Variants in GAB3 observed in about 807,000 individuals in gnomAD.
The protein encoded by GAB3 is GRB2-associated-binding protein 3.
In GAB3, 12 loss-of-function variants were observed where a neutral mutation model predicts 40.4. The observed-to-expected ratio is 0.30, with a 90% CI of 0.19 to 0.48. The LOEUF is 0.48. Ranked by LOEUF, GAB3 falls within the 20% of genes least tolerant of loss-of-function variation. The pLI, the probability that GAB3 is intolerant of heterozygous loss-of-function variation, is 0.99. For missense variants in GAB3, 381 were observed against 461.9 expected (o/e 0.82, Z 1.61); for synonymous variants, 154 against 176.7 (o/e 0.87, Z 1.02).
intron 1 of GAB3, among the ~76,000 whole-genome samples, chrX:154,726,523 G>A (rs1369130749): frequency 9.0e-6 from 1 of 111,672 alleles, no homozygotes; most frequent in Non-Finnish European, 1.9e-5. Context: ...AAATAAAAGA[G>A]GCTTCATCCA....
intron 8 of GAB3, among the ~76,000 whole-genome samples, chrX:154,690,600 G>C (rs1198976757): frequency 4.5e-5 from 5 of 112,013 alleles, no homozygotes; most frequent in African/African-American, 1.3e-4. Flanking sequence ...ATCAAAAAAT[G>C]GGCAAAGGAC....
At position 154,696,040 on chromosome X, in the gene GAB3, G is replaced by A. The variant is rs370569226; in HGVS notation, c.1428-21C>T. 10 of 1,018,987 alleles carry A rather than the reference G, an allele frequency of 9.8e-6. No individual in the cohort carries two copies. The African/African-American group carries it at 1.9e-4, about 19-fold the overall frequency. The allele number at this position is 1,018,987 out of a possible 1,213,427, so 84.0% of individuals were successfully genotyped here. ...GACTGCTAAGAATAAAAATATAGAT[G>A]AGGTCAAAGCAATGTCTTACAGCTG... On this transcript the variant is annotated intron_variant, in intron 7 of 9. Transcript: ENST00000424127.
At chrX:154,699,797 G>A (rs2070714089) in intron 5 of GAB3, among the ~76,000 whole-genome samples, 1 of 111,908 alleles carries the variant, frequency 8.9e-6, no homozygotes, top group Non-Finnish European at 1.9e-5. Flanking sequence ...ATACCAAGTT[G>A]AGCAAGTGTC....
chrX:154,684,798 G>T (rs1370972929), intron 8 of GAB3, among the ~76,000 whole-genome samples: 1 of 111,363 alleles, frequency 9.0e-6, no homozygotes, highest in Non-Finnish European at 1.9e-5. Flanking sequence ...TAACCTGCTT[G>T]TAAGTCTTTG....
chrX:154,722,915 GTCGC>G (rs1190270562), intron 1 of GAB3, among the ~76,000 whole-genome samples: 1 of 110,750 alleles, frequency 9.0e-6, no homozygotes, highest in Non-Finnish European at 1.9e-5. Flanking sequence ...TTTTGCTCTT[GTCGC>G]CCAGGCTGGA....
At chrX:154,694,837 TAA>T (rs2070630893) in intron 8 of GAB3, among the ~76,000 whole-genome samples, 1 of 112,068 alleles carries the variant, frequency 8.9e-6, no homozygotes, top group Non-Finnish European at 1.9e-5. Flanking sequence ...CATCGTTTTA[TAA>T]GAGTGTTTTC....
At position 154,678,180 on chromosome X, in the gene GAB3, A is replaced by G; in HGVS notation, c.1762T>C (p.Ter588ArgextTer54). ...EWTDERQSKV[*>R] ...CACATGGCACAAGCCCGCACCTCTC[A>G]TACTTTGGATTGCCTTTCATCCGTC... is the stretch of plus-strand genomic sequence containing the variant. The change falls in exon 10 of 10, where the codon TGA (stop) becomes CGA (arginine). Residue 588 changes from the stop codon to arginine (R), a stop_lost. Transcript: ENST00000424127. 1 of 1,113,807 alleles carries G rather than the reference A, an allele frequency of 9.0e-7. No individual in the cohort carries two copies. Among genetic ancestry groups the G allele is most frequent in the Non-Finnish European group, 1.2e-6 (1 of 811,136 alleles). The allele number at this position is 1,113,807 out of a possible 1,213,427, so 91.8% of individuals were successfully genotyped here.
intron 4 of GAB3, among the ~76,000 whole-genome samples, chrX:154,708,272 C>A (rs2070846789): frequency 8.9e-6 from 1 of 111,952 alleles, no homozygotes; most frequent in Admixed American, 9.5e-5. Flanking sequence ...CATTTAGCCC[C>A]TAGAAGAAAA....
chrX:154,696,706 G>A (rs2070663843), intron 7 of GAB3, among the ~76,000 whole-genome samples: 1 of 112,341 alleles, frequency 8.9e-6, no homozygotes, highest in Non-Finnish European at 1.9e-5. Context: ...CTGAGACTGG[G>A]GAACACAATT....
Position 154,699,457 on chromosome X carries a change from A to G in GAB3, c.1182T>C (p.Tyr394=). The part of the protein sequence containing the change: ...PTASASIEDS[Y]VPMSPQAGAS... Reference sequence around the variant, plus strand: ...CACCAGCCTGGGGGCTCATGGGCACATAGCTGTCTTCGATACTGGCTGAAG... The same window carrying G: ...CACCAGCCTGGGGGCTCATGGGCACGTAGCTGTCTTCGATACTGGCTGAAG... Residue 394 remains tyrosine (Y), a synonymous_variant, in exon 6 of 10, where the codon TAT becomes TAC. Coordinates refer to ENST00000424127, the MANE Select transcript of GAB3 (RefSeq NM_001081573.3). The G allele has an allele frequency of 8.3e-7, 1 of 1,212,007 alleles. No individual in the cohort carries two copies. The highest frequency in any genetic ancestry group is 1.1e-6 in the Non-Finnish European group (1 of 895,503).
At position 154,713,233 on chromosome X, in the gene GAB3, G is replaced by A. The variant is rs147484097; in HGVS notation, c.570C>T (p.Cys190=). 34 of 1,208,006 alleles carry A rather than the reference G, an allele frequency of 2.8e-5. No homozygotes were observed. Among genetic ancestry groups the A allele is most frequent in the African/African-American group, 2.3e-4 (13 of 56,933 alleles). ...FLPDYLVLSN[C]ETGRLHHTSL... ...TGGTATGGTGCAGTCTTCCAGTCTCGCAGTTGGACAAAACCAGATAATCTG... is the reference window on the plus strand; with the variant it reads ...TGGTATGGTGCAGTCTTCCAGTCTCACAGTTGGACAAAACCAGATAATCTG... Residue 190 remains cysteine, a synonymous_variant, in exon 3 of 10, where the codon TGC becomes TGT. Transcript: ENST00000424127.
intron 5 of GAB3, 42 bp downstream of exon 5, chrX:154,699,962 T>G: frequency 9.1e-7 from 1 of 1,094,785 alleles, no homozygotes; most frequent in Non-Finnish European, 1.3e-6. Context: ...AAGCTGTTTT[T>G]GGTAAAATTG....
intron 8 of GAB3, 75 bp downstream of exon 8, chrX:154,695,842 G>A: frequency 3.4e-6 from 2 of 594,972 alleles, no homozygotes; most frequent in Admixed American, 5.2e-5. Context: ...TGAAGGATGT[G>A]TTTCCTTTAC....
intron 8 of GAB3, among the ~76,000 whole-genome samples, chrX:154,686,270 A>G (rs2070448184): frequency 9.1e-6 from 1 of 109,967 alleles, no homozygotes; most frequent in Non-Finnish European, 1.9e-5. Context: ...AGGAAATAAT[A>G]CACCATGACC....
chrX:154,751,401 C>T (rs906790780), upstream of GAB3: 40 of 326,697 alleles, frequency 1.2e-4, no homozygotes, highest in African/African-American at 1.1e-3. Context: ...AGCCTGGAAC[C>T]TGTTGCCCTC....
intron 4 of GAB3, among the ~76,000 whole-genome samples, chrX:154,709,030 T>C (rs1342905138): frequency 9.0e-6 from 1 of 110,975 alleles, no homozygotes; most frequent in African/African-American, 3.3e-5. Context: ...TGGTGGGAGG[T>C]GATTGGATCA....
intron 7 of GAB3, 108 bp downstream of exon 7, chrX:154,697,024 C>T (rs2070668689): frequency 1.7e-6 from 1 of 602,313 alleles, no homozygotes; most frequent in Non-Finnish European, 2.7e-6. Flanking sequence ...CCTCACCCCT[C>T]CTTTGGCTTA....
At chrX:154,699,932 C>T (rs1329880588) in intron 5 of GAB3, 72 bp downstream of exon 5, 10 of 852,326 alleles carry the variant, frequency 1.2e-5, no homozygotes, top group Non-Finnish European at 1.0e-5. Flanking sequence ...TTAAAGATTT[C>T]AAGGGAATAT....
chrX:154,741,224 G>A (rs782678641), intron 1 of GAB3, among the ~76,000 whole-genome samples: 23 of 111,852 alleles, frequency 2.1e-4, no homozygotes, highest in Non-Finnish European at 1.7e-4. Flanking sequence ...AGCCTCCGCC[G>A]CCACGTGGAA....
Sources: allele counts gnomAD v4.1 joint callset (sites outside exome capture counted in the v4.1 genomes callset), GRCh38; gene constraint gnomAD v4.1.1; transcripts MANE v1.5; gene names NCBI Gene and HGNC (gene_info 2026-07-23, HGNC 2026-07-21).